LUC7L3: variants seen among roughly 807,000 people sequenced by gnomAD.
LUC7L3 encodes luc7-like protein 3.
Under a neutral mutation model 66.8 loss-of-function variants are expected in LUC7L3, and 6 were observed. The ratio of observed to expected loss-of-function variants is 0.09; its 90% CI spans 0.05 to 0.18. The LOEUF is 0.18. Ranked by LOEUF, LUC7L3 falls within the 10% of genes least tolerant of loss-of-function variation. The probability of loss-of-function intolerance (pLI) is 1.00; values close to 1 mark genes in which losing one functional copy is unlikely to be tolerated. For missense variants in LUC7L3, 341 were observed against 531.1 expected, an observed-to-expected ratio of 0.64 and a Z score of 3.52; for synonymous variants, 160 against 174.7, an observed-to-expected ratio of 0.92 and a Z score of 0.66.
In LUC7L3 at chr17:50,751,878, T is replaced by A. The variant is rs1192411882; in HGVS notation, c.*1217T>A. Reference sequence around the variant, plus strand: ...AGGTACTGTAAGTGTTCTTAAAACCTGTAAACTTCATTCTGTGGGCTAGTG... The same window carrying A: ...AGGTACTGTAAGTGTTCTTAAAACCAGTAAACTTCATTCTGTGGGCTAGTG... On this transcript the variant is annotated 3_prime_UTR_variant, in exon 10 of 10. Coordinates refer to ENST00000505658, the MANE Select transcript of LUC7L3 (RefSeq NM_016424.5). 1 of 1,016,312 alleles carries A rather than the reference T, an allele frequency of 9.8e-7. No homozygotes were observed. The allele number at this position is 1,016,312 out of a possible 1,614,324, so 63.0% of individuals were successfully genotyped here. A position where few individuals can be genotyped will look rare whatever the true frequency, so the allele number is the denominator to read the frequency against.
intron 3 of LUC7L3, 43 bp from the exon 4 acceptor site, chr17:50,741,059 T>C: frequency 6.2e-7 from 1 of 1,602,966 alleles, no homozygotes; most frequent in Non-Finnish European, 8.5e-7. Flanking sequence ...TTGTAATGGC[T>C]GAAGATTTGG....
chr17:50,750,388 A>T (rs1041622389), intron 9 of LUC7L3, 113 bp from the exon 10 acceptor site: 2 of 964,300 alleles, frequency 2.1e-6, no homozygotes, highest in African/African-American at 3.3e-5. Context: ...CGTTGCTTGC[A>T]GTCTGTGGGA....
rs2143113694 is a variant in LUC7L3, at chr17:50,755,347, T to C, written c.*4686T>C. 6.6e-6 allele frequency: 1 copy of C among 152,348 alleles called. No individual in the cohort carries two copies. Among genetic ancestry groups the C allele is most frequent in the South Asian group, 2.1e-4 (1 of 4,828 alleles). The allele number at this position is 152,348 out of a possible 1,614,324, so 9.4% of individuals were successfully genotyped here. Reference sequence around the variant, plus strand: ...ATATAAACATATATGTATAGATCTTTCAAAATATATGACGGTATACCCGTA... The same window carrying C: ...ATATAAACATATATGTATAGATCTTCCAAAATATATGACGGTATACCCGTA... On this transcript the variant is annotated 3_prime_UTR_variant, in exon 10 of 10. Coordinates refer to ENST00000505658, the MANE Select transcript of LUC7L3 (RefSeq NM_016424.5).
At chr17:50,721,625 G>C (rs1567852743) in intron 1 of LUC7L3, among the ~76,000 whole-genome samples, 1 of 152,158 alleles carries the variant, frequency 6.6e-6, no homozygotes, top group African/African-American at 2.4e-5. Flanking sequence ...GTAGTGTTGA[G>C]CAAAAACAAA....
chr17:50,741,393 G>A (rs929227461), intron 4 of LUC7L3, 147 bp downstream of exon 4: 5 of 823,754 alleles, frequency 6.1e-6, no homozygotes, highest in Non-Finnish European at 3.7e-6. Context: ...TTTTTTTCCA[G>A]TCTTTATTAG....
At position 50,743,796 on chromosome 17, in the gene LUC7L3, A is replaced by C; in HGVS notation, c.517A>C (p.Arg173=). ...ATTAAAAGAAGAGAGAGAACTGCTA[A>C]GGTCCACAACGTCGGTGAGTAAACC... ...EQLKEERELL[R]STTSTIESFA... The change falls in exon 6 of 10, where the codon AGG becomes CGG. Residue 173 remains arginine, a synonymous_variant. Transcript: ENST00000505658. The C allele has an allele frequency of 5.0e-6, 8 of 1,612,658 alleles. No homozygotes were observed. Among genetic ancestry groups the C allele is most frequent in the Non-Finnish European group, 6.8e-6 (8 of 1,178,774 alleles).
At position 50,756,171 on chromosome 17, in the gene LUC7L3, G is replaced by C. The variant is rs1971108467; in HGVS notation, c.*5510G>C. The C allele has an allele frequency of 6.6e-6, 1 of 152,032 alleles. No homozygotes were observed. The highest frequency in any genetic ancestry group is 6.6e-5 in the Admixed American group (1 of 15,238). 9.4% of individuals were successfully genotyped at this position (152,032 alleles called of 1,614,324 possible). ...TTAATCTGTATGTTTATGTGCTTTT[G>C]TATGTATGATATTTCTTAATAAAAT... On this transcript the variant is annotated 3_prime_UTR_variant, in exon 10 of 10. Transcript: ENST00000505658.
At chr17:50,727,080 C>G (rs1213765744) in intron 1 of LUC7L3, among the ~76,000 whole-genome samples, 2 of 151,616 alleles carry the variant, frequency 1.3e-5, no homozygotes, top group African/African-American at 4.9e-5. Flanking sequence ...CAGAGCGAGA[C>G]TTTGTCTCAA....
intron 2 of LUC7L3, chr17:50,737,319 G>A (rs1171784826): frequency 3.9e-6 from 2 of 511,774 alleles, no homozygotes; most frequent in Non-Finnish European, 7.6e-6. Context: ...CATTAGAGAT[G>A]TCAGCAAATT....
chr17:50,740,822 A>C (rs919210822), intron 3 of LUC7L3, among the ~76,000 whole-genome samples: 1 of 152,150 alleles, frequency 6.6e-6, no homozygotes. Context: ...GGCCTCCCAA[A>C]GTGCTGGGAT....
Position 50,750,497 on chromosome 17 carries a change from G to A in LUC7L3, c.1139-4G>A. On this transcript the variant is annotated splice_region_variant and splice_polypyrimidine_tract_variant and intron_variant, in intron 9 of 9. Transcript: ENST00000505658. ...TCCATGGTCAATGTCTTCTTTTATG[G>A]CAGAAAAGAGGGGATCTGATGATAA... 1 of 1,607,202 alleles carries A rather than the reference G, an allele frequency of 6.2e-7. No homozygotes were observed.
intron 1 of LUC7L3, among the ~76,000 whole-genome samples, chr17:50,727,968 C>T (rs1969307940): frequency 6.8e-6 from 1 of 147,716 alleles, no homozygotes; most frequent in Non-Finnish European, 1.5e-5. Flanking sequence ...AAAAAATTAG[C>T]TGGGCGTGGT....
chr17:50,746,598 C>T lies in LUC7L3; in HGVS notation c.1034C>T (p.Ser345Phe). Residue 345 changes from serine (S) to phenylalanine (F), a missense_variant, in exon 9 of 10, where the codon TCT becomes TTT. Ser to Phe is a radical substitution (Grantham distance 155). This residue lies in a region of LUC7L3 where 210 missense variants were observed against 238.1 expected (regional missense o/e 0.88). Transcript: ENST00000505658. ...GATCGATCAGAAAGAAAACACAGATCTCGAAGTCGGGATCGAAGAAGATCA... is the reference window on the plus strand; with the variant it reads ...GATCGATCAGAAAGAAAACACAGATTTCGAAGTCGGGATCGAAGAAGATCA... ...SHDRSERKHR[S>F]RSRDRRRSKS... The T allele has an allele frequency of 6.2e-7, 1 of 1,614,040 alleles. No individual in the cohort carries two copies. Among genetic ancestry groups the T allele is most frequent in the Non-Finnish European group, 8.5e-7 (1 of 1,180,002 alleles).
intron 8 of LUC7L3, 114 bp downstream of exon 8, chr17:50,746,117 G>A: frequency 2.9e-6 from 4 of 1,391,210 alleles, no homozygotes; most frequent in Non-Finnish European, 3.7e-6. Context: ...GCATCTTTAA[G>A]TGATAGGATG....
Position 50,750,955 on chromosome 17 carries a change from A to T in LUC7L3, c.*294A>T. On this transcript the variant is annotated 3_prime_UTR_variant, in exon 10 of 10. Coordinates refer to ENST00000505658, the MANE Select transcript of LUC7L3 (RefSeq NM_016424.5). ...ATTTGTAATATAGTCGCCATTGAAA[A>T]GTTAATTATCCTTTTTTTAGGGATT... 1 of 1,502,466 alleles carries T rather than the reference A, an allele frequency of 6.7e-7. No homozygotes were observed. The highest frequency in any genetic ancestry group is 8.8e-7 in the Non-Finnish European group (1 of 1,132,284). The allele number at this position is 1,502,466 out of a possible 1,614,324, so 93.1% of individuals were successfully genotyped here. A position where few individuals can be genotyped will look rare whatever the true frequency, so the allele number is the denominator to read the frequency against.
At chr17:50,741,009 T>TG in intron 3 of LUC7L3, 93 bp from the exon 4 acceptor site, 1 of 1,232,318 alleles carries the variant, frequency 8.1e-7, no homozygotes, top group East Asian at 2.3e-5. Context: ...GCAGCCTAAA[T>TG]GGAATAGTCG....
intron 9 of LUC7L3, among the ~76,000 whole-genome samples, chr17:50,749,934 G>A (rs1318506259): frequency 1.3e-5 from 2 of 152,122 alleles, no homozygotes; most frequent in African/African-American, 2.4e-5. Context: ...ACTTTTCTTA[G>A]CAAAGCACAA....
intron 3 of LUC7L3, among the ~76,000 whole-genome samples, 194 bp downstream of exon 3, chr17:50,740,539 T>C (rs548502938): frequency 6.6e-6 from 1 of 152,214 alleles, no homozygotes; most frequent in East Asian, 1.9e-4. Context: ...ACCCTGTATG[T>C]CAGACTTTTT....
chr17:50,725,008 T>C (rs1190706325), intron 1 of LUC7L3, among the ~76,000 whole-genome samples: 1 of 152,100 alleles, frequency 6.6e-6, no homozygotes, highest in Non-Finnish European at 1.5e-5. Flanking sequence ...TGATCCTCCC[T>C]CGGCCTCCCA....
Sources: gnomAD v4.1 joint callset for allele counts (sites outside exome capture counted in the v4.1 genomes callset) on GRCh38, gnomAD v4.1.1 for gene constraint, gnomAD v4.1.1 regional missense constraint, MANE v1.5 for transcripts, NCBI Gene and HGNC (gene_info 2026-07-23, HGNC 2026-07-21) for gene names.